OSBP: variants seen among roughly 807,000 people sequenced by gnomAD.
OSBP encodes the protein oxysterol binding protein.
Under a neutral mutation model 96.6 loss-of-function variants are expected in OSBP, and 32 were observed. The observed-to-expected ratio is 0.33, with a 90% CI of 0.25 to 0.45. The LOEUF (loss-of-function observed/expected upper bound fraction) is 0.45, where lower values mean the gene tolerates loss of function less well. Among genes scored for constraint, OSBP ranks in the 20% least tolerant of loss-of-function variants. The pLI, the probability that OSBP is intolerant of heterozygous loss-of-function variation, is 1.00. For synonymous variants in OSBP, 369 were observed against 389.6 expected (o/e 0.95, Z 0.62); for missense variants, 653 against 1,029.7 (o/e 0.63, Z 5.01).
chr11:59,594,318 T>G, intron 7 of OSBP, 63 bp from the exon 8 acceptor site: 1 of 1,544,798 alleles, frequency 6.5e-7, no homozygotes, highest in African/African-American at 1.4e-5. Context: ...AGTTTAATTT[T>G]TTTTGCAGTT....
intron 4 of OSBP, 53 bp downstream of exon 4, chr11:59,601,587 G>A: frequency 1.3e-6 from 2 of 1,552,500 alleles, no homozygotes; most frequent in African/African-American, 1.4e-5. Context: ...ATCAACTGCA[G>A]AAAACCATCT....
At position 59,608,661 on chromosome 11, in the gene OSBP, A is replaced by G; in HGVS notation, c.645T>C (p.Ser215=). Residue 215 remains serine (S), a synonymous_variant, in exon 3 of 14, where the codon TCT becomes TCC. Transcript: ENST00000263847. ...ACGTGCTCAAGTCCTCTACTTTGCT[A>G]GAGAGGGTCCGAAGGGTATTCTGCA... ...TELQNTLRTL[S]SKVEDLSTCN... The G allele has an allele frequency of 2.5e-6, 4 of 1,613,514 alleles. No individual in the cohort carries two copies. Among genetic ancestry groups the G allele is most frequent in the Non-Finnish European group, 3.4e-6 (4 of 1,179,402 alleles).
At chr11:59,588,284 A>G (rs1166723959) in intron 9 of OSBP, among the ~76,000 whole-genome samples, 1 of 152,240 alleles carries the variant, frequency 6.6e-6, no homozygotes, top group African/African-American at 2.4e-5. Flanking sequence ...CTGTAATCCC[A>G]GCACTTTGGG....
At chr11:59,586,513 T>C (rs1165417553) in intron 9 of OSBP, among the ~76,000 whole-genome samples, 3 of 152,234 alleles carry the variant, frequency 2.0e-5, no homozygotes, top group African/African-American at 7.2e-5. Flanking sequence ...ATGAAATCTC[T>C]ATCCAAATCC....
intron 3 of OSBP, among the ~76,000 whole-genome samples, chr11:59,606,396 T>C (rs1860781279): frequency 6.7e-6 from 1 of 149,706 alleles, no homozygotes; most frequent in Non-Finnish European, 1.5e-5. Context: ...TGAATGCAAC[T>C]GGAGGCCAAT....
intron 3 of OSBP, among the ~76,000 whole-genome samples, chr11:59,608,096 C>T (rs1860804868): frequency 6.6e-6 from 1 of 151,964 alleles, no homozygotes; most frequent in African/African-American, 2.4e-5. Flanking sequence ...TCTTTTAGTT[C>T]CAACAGATGA....
intron 11 of OSBP, 115 bp from the exon 12 acceptor site, chr11:59,578,445 A>C: frequency 1.0e-6 from 1 of 980,168 alleles, no homozygotes. Flanking sequence ...AACAAACACC[A>C]GAGAGTCATC....
rs1860918089 is a variant in OSBP at position 59,615,619 on chromosome 11, C to T, written c.46G>A (p.Ala16Thr). 8.7e-6 allele frequency: 12 copies of T among 1,381,114 alleles called. No individual in the cohort carries two copies. The South Asian group carries it at 1.4e-4, about 16-fold the overall frequency. The allele number at this position is 1,381,114 out of a possible 1,614,324, so 85.6% of individuals were successfully genotyped here. A position where few individuals can be genotyped will look rare whatever the true frequency, so the allele number is the denominator to read the frequency against. Residue 16 changes from alanine (A) to threonine (T), a missense_variant, in exon 1 of 14, where the codon GCC (alanine) becomes ACC (threonine). Ala to Thr is a moderately conservative substitution (Grantham distance 58). Coordinates refer to ENST00000263847, the MANE Select transcript of OSBP (RefSeq NM_002556.3). ...LRGVVGPGPAAIAALGGGGAG... is the reference protein window; with the variant it reads ...LRGVVGPGPATIAALGGGGAG... Reference sequence around the variant, plus strand: ...CCGCCGCCGCCAAGTGCTGCAATGGCTGCCGGGCCTGGCCCCACCACTCCT... The same window carrying T: ...CCGCCGCCGCCAAGTGCTGCAATGGTTGCCGGGCCTGGCCCCACCACTCCT...
Position 59,608,714 on chromosome 11 carries a change from A to T in OSBP, c.592T>A (p.Ser198Thr). The T allele has an allele frequency of 6.2e-7, 1 of 1,613,914 alleles. No homozygotes were observed. The highest frequency in any genetic ancestry group is 1.1e-5 in the South Asian group (1 of 91,084). ...TCAGTCTTGTCAGTTTGTGAGACAGACTCTTCATCTCCTGATTCATCTGTA... is the reference window on the plus strand; with the variant it reads ...TCAGTCTTGTCAGTTTGTGAGACAGTCTCTTCATCTCCTGATTCATCTGTA... ...AESDESGDEE[S>T]VSQTDKTELQ... Residue 198 changes from serine to threonine, a missense_variant, in exon 3 of 14, where the codon TCT (serine) becomes ACT (threonine). Physicochemically the swap from Ser to Thr is moderately conservative, Grantham distance 58 (BLOSUM62 1). Around this residue, in one of 6 missense-constraint regions of OSBP, gnomAD observed 308 missense variants for 573.1 expected, o/e 0.54. Coordinates refer to ENST00000263847, the MANE Select transcript of OSBP (RefSeq NM_002556.3).
intron 3 of OSBP, among the ~76,000 whole-genome samples, chr11:59,606,293 T>C (rs537375036): frequency 6.6e-6 from 1 of 152,176 alleles, no homozygotes; most frequent in African/African-American, 2.4e-5. Context: ...TCTGATCAGA[T>C]TCACTTTGAC....
chr11:59,586,059 A>G (rs1197527443), intron 9 of OSBP, among the ~76,000 whole-genome samples: 1 of 151,984 alleles, frequency 6.6e-6, no homozygotes, highest in African/African-American at 2.4e-5. Flanking sequence ...TGCCTAGGAA[A>G]ACCAGAGACC....
rs1158741752 is a variant in OSBP, at chr11:59,601,657, T to C, written c.1004A>G (p.Asn335Ser). 12 of 1,612,682 alleles carry C rather than the reference T, an allele frequency of 7.4e-6. No homozygotes were observed. Among genetic ancestry groups the C allele is most frequent in the African/African-American group, 6.7e-5 (5 of 74,880 alleles). The change falls in exon 4 of 14, where the codon AAT (asparagine) becomes AGT (serine). Residue 335 changes from asparagine to serine, a missense_variant. Asn to Ser is a conservative substitution (Grantham distance 46, BLOSUM62 1). Around this residue, in one of 6 missense-constraint regions of OSBP, gnomAD observed 308 missense variants for 573.1 expected, o/e 0.54. Coordinates refer to ENST00000263847, the MANE Select transcript of OSBP (RefSeq NM_002556.3). ...TGTCTTACCTTTACCAGAACCCACA[T>C]TGCCAGGAGTGTTTGCCGGCAGCAC... is the stretch of plus-strand genomic sequence containing the variant. The part of the protein sequence containing the change: ...ATVLPANTPG[N>S]VGSGKDQCCS...
intron 9 of OSBP, among the ~76,000 whole-genome samples, chr11:59,582,056 C>T (rs1860428989): frequency 6.6e-6 from 1 of 152,176 alleles, no homozygotes; most frequent in African/African-American, 2.4e-5. Flanking sequence ...TGGATTAAAT[C>T]CTGACTCTAG....
At chr11:59,595,230 C>G (rs1171165471) in intron 7 of OSBP, 1 of 152,422 alleles carries the variant, frequency 6.6e-6, no homozygotes, top group African/African-American at 2.4e-5. Context: ...GTCAGGTTCC[C>G]AAGTTAGTCC....
intron 3 of OSBP, among the ~76,000 whole-genome samples, chr11:59,607,899 G>C (rs1028890683): frequency 6.6e-6 from 1 of 152,274 alleles, no homozygotes; most frequent in Admixed American, 6.5e-5. Flanking sequence ...TGAATATTTT[G>C]TCTTATCATC....
rs1049721797 is a variant in OSBP at position 59,581,467 on chromosome 11, T to C, written c.1766A>G (p.Lys589Arg). The C allele has an allele frequency of 6.2e-7, 1 of 1,608,292 alleles. No individual in the cohort carries two copies. Among genetic ancestry groups the C allele is most frequent in the Non-Finnish European group, 8.5e-7 (1 of 1,175,312 alleles). Reference sequence around the variant, plus strand: ...TTTCCTCACCTGATCTATCCACAACTTGCCCACAATAATGTTGTGTACAGT... The same window carrying C: ...TTTCCTCACCTGATCTATCCACAACCTGCCCACAATAATGTTGTGTACAGT... ...TTTVHNIIVG[K>R]LWIDQSGEID... Residue 589 changes from lysine to arginine, a missense_variant, in exon 10 of 14, where the codon AAG becomes AGG. By Grantham distance (26) the Lys-to-Arg change is conservative (BLOSUM62 2). Coordinates refer to ENST00000263847, the MANE Select transcript of OSBP (RefSeq NM_002556.3).
intron 7 of OSBP, 35 bp from the exon 8 acceptor site, chr11:59,594,290 C>A: frequency 6.2e-7 from 1 of 1,606,492 alleles, no homozygotes; most frequent in South Asian, 1.1e-5. Flanking sequence ...AAACTATGCT[C>A]ACTCATCTAT....
intron 9 of OSBP, among the ~76,000 whole-genome samples, chr11:59,582,895 C>T (rs1277915722): frequency 6.6e-6 from 1 of 152,160 alleles, no homozygotes. Context: ...ATGCTTGAAA[C>T]ATATAGCTGA....
At chr11:59,578,887 T>C (rs1395121237) in intron 11 of OSBP, among the ~76,000 whole-genome samples, 2 of 152,248 alleles carry the variant, frequency 1.3e-5, no homozygotes, top group Non-Finnish European at 2.9e-5. Context: ...GAGTTCATAG[T>C]AGGTGTATAT....
Sources: allele counts gnomAD v4.1 joint callset (sites outside exome capture counted in the v4.1 genomes callset), GRCh38; gene constraint gnomAD v4.1.1; regional missense constraint gnomAD v4.1.1; transcripts MANE v1.5; gene names NCBI Gene and HGNC (gene_info 2026-07-23, HGNC 2026-07-21).